RNF138: variants seen among roughly 807,000 people sequenced by gnomAD.
RNF138 encodes the protein ring finger protein 138.
Under a neutral mutation model 31.0 loss-of-function variants are expected in RNF138, and 12 were observed. That is an observed-to-expected ratio of 0.39 (90% CI 0.25 to 0.63). The LOEUF is 0.63. RNF138 is among the 20% of genes least tolerant of loss of function. The pLI is 0.52. For synonymous variants in RNF138, 105 were observed against 99.5 expected (o/e 1.06, Z -0.33); for missense variants, 192 against 300.1 (o/e 0.64, Z 2.66).
chr18:32,104,251 G>C (rs1161978648), intron 2 of RNF138, among the ~76,000 whole-genome samples: 1 of 151,712 alleles, frequency 6.6e-6, no homozygotes, highest in African/African-American at 2.4e-5. Flanking sequence ...GAGGTCAAAT[G>C]ATCCCCCCAC....
At chr18:32,093,892 T>C (rs140884859) in intron 2 of RNF138, among the ~76,000 whole-genome samples, 1 of 152,326 alleles carries the variant, frequency 6.6e-6, no homozygotes, top group African/African-American at 2.4e-5. Flanking sequence ...ATTCCCAGGC[T>C]CCATTTCAAA....
At chr18:32,119,172 T>C (rs1036646138) in intron 4 of RNF138, among the ~76,000 whole-genome samples, 6 of 152,148 alleles carry the variant, frequency 3.9e-5, no homozygotes, top group African/African-American at 1.2e-4. Flanking sequence ...ATGCCACTTC[T>C]GTTCTACACA....
At chr18:32,116,612 C>T (rs1318393824) in intron 4 of RNF138, among the ~76,000 whole-genome samples, 1 of 150,802 alleles carries the variant, frequency 6.6e-6, no homozygotes. Flanking sequence ...AGTGCAATGG[C>T]GTGAACATGG....
chr18:32,127,487 A>T (rs1325570291), intron 7 of RNF138, among the ~76,000 whole-genome samples: 1 of 152,216 alleles, frequency 6.6e-6, no homozygotes, highest in African/African-American at 2.4e-5. Context: ...TTAGGTAAGC[A>T]GAGTGACATG....
intron 2 of RNF138, among the ~76,000 whole-genome samples, chr18:32,104,013 CTTTT>C (rs745696010): frequency 1.5e-5 from 2 of 130,812 alleles, no homozygotes; most frequent in African/African-American, 2.9e-5. Context: ...GGCTAAAAAA[CTTTT>C]TTTTTTTTTT....
chr18:32,118,357 A>T (rs1314974183), intron 4 of RNF138, among the ~76,000 whole-genome samples: 1 of 151,552 alleles, frequency 6.6e-6, no homozygotes, highest in Non-Finnish European at 1.5e-5. Flanking sequence ...AACATGGTGA[A>T]ACCCCATCTC....
chr18:32,113,792 T>C lies in RNF138; in HGVS notation c.324T>C (p.Tyr108=). The change falls in exon 4 of 8, where the codon TAT becomes TAC. Residue 108 remains tyrosine (Y), a synonymous_variant. Coordinates refer to ENST00000261593, the MANE Select transcript of RNF138 (RefSeq NM_016271.5). Reference sequence around the variant, plus strand: ...ATCATTACAAATCTTGTAAGAAGTATCAGGATGAATATGGTGTTTCTTCTA... The same window carrying C: ...ATCATTACAAATCTTGTAAGAAGTACCAGGATGAATATGGTGTTTCTTCTA... The part of the protein sequence containing the change: ...MRHHYKSCKK[Y]QDEYGVSSII... The C allele has an allele frequency of 6.4e-7, 1 of 1,555,190 alleles. No individual in the cohort carries two copies. Among genetic ancestry groups the C allele is most frequent in the Non-Finnish European group, 8.7e-7 (1 of 1,152,644 alleles).
At chr18:32,092,636 C>G (rs1479636112) in intron 1 of RNF138, 64 bp from the exon 2 acceptor site, 1 of 655,436 alleles carries the variant, frequency 1.5e-6, no homozygotes, top group Non-Finnish European at 2.8e-6. Context: ...CCCAGGGCCC[C>G]GCCCCCTTCC....
rs763901615 is a variant in RNF138 at position 32,130,221 on chromosome 18, A to G, written c.*1034A>G. The G allele has an allele frequency of 6.6e-6, 1 of 152,044 alleles. No individual in the cohort carries two copies. Among genetic ancestry groups the G allele is most frequent in the Admixed American group, 6.6e-5 (1 of 15,230 alleles). 9.4% of individuals were successfully genotyped at this position (152,044 alleles called of 1,614,324 possible). On this transcript the variant is annotated 3_prime_UTR_variant, in exon 8 of 8. Coordinates refer to ENST00000261593, the MANE Select transcript of RNF138 (RefSeq NM_016271.5). ...TTATCTGATTTGTTTAAAATTTTGT[A>G]TATCACCAAATTTTTAAAAAGTGAT...
At chr18:32,114,903 T>TAC (rs2040190416) in intron 4 of RNF138, among the ~76,000 whole-genome samples, 1 of 152,208 alleles carries the variant, frequency 6.6e-6, no homozygotes, top group African/African-American at 2.4e-5. Flanking sequence ...GATTGTCTGG[T>TAC]AAAGATCTGC....
intron 2 of RNF138, among the ~76,000 whole-genome samples, chr18:32,109,762 T>C (rs1339544231): frequency 6.6e-6 from 1 of 152,082 alleles, no homozygotes; most frequent in Non-Finnish European, 1.5e-5. Context: ...GGTGCATGCC[T>C]GTAGTCCCAC....
intron 2 of RNF138, among the ~76,000 whole-genome samples, chr18:32,096,011 CAAG>C (rs1187076669): frequency 1.3e-5 from 2 of 152,116 alleles, no homozygotes; most frequent in South Asian, 2.1e-4. Context: ...ATGCCAGAGT[CAAG>C]GAGGGTACAG....
At chr18:32,098,959 C>T (rs150872687) in intron 2 of RNF138, among the ~76,000 whole-genome samples, 26 of 142,916 alleles carry the variant, frequency 1.8e-4, no homozygotes, top group African/African-American at 6.7e-4. Flanking sequence ...TCTCGATTAT[C>T]GACTCGGAAA....
At position 32,130,386 on chromosome 18, in the gene RNF138, T is replaced by TACCA. The variant is rs2040454033; in HGVS notation, c.*1204_*1207dup. On this transcript the variant is annotated 3_prime_UTR_variant, in exon 8 of 8. Transcript: ENST00000261593. Reference sequence around the variant, plus strand: ...GACCGTGATATAGTGAGAAAGATTCTACCAACCACTGTTTCACTACTTTTT... The same window carrying TACCA: ...GACCGTGATATAGTGAGAAAGATTCTACCAACCAACCACTGTTTCACTACTTTTT... 6.6e-6 allele frequency: 1 copy of TACCA among 152,438 alleles called. No individual in the cohort carries two copies. The highest frequency in any genetic ancestry group is 6.6e-5 in the Admixed American group (1 of 15,264). The allele number at this position is 152,438 out of a possible 1,614,324, so 9.4% of individuals were successfully genotyped here. A position where few individuals can be genotyped will look rare whatever the true frequency, so the allele number is the denominator to read the frequency against.
chr18:32,124,680 G>A (rs190850000), intron 5 of RNF138, 54 bp from the exon 6 acceptor site: 86 of 866,906 alleles, frequency 9.9e-5, no homozygotes, highest in African/African-American at 7.5e-4. Context: ...ATAGGAGAGC[G>A]TTATTTTTGT....
intron 3 of RNF138, among the ~76,000 whole-genome samples, chr18:32,112,327 G>A (rs1448887670): frequency 6.6e-6 from 1 of 152,108 alleles, no homozygotes; most frequent in Non-Finnish European, 1.5e-5. Flanking sequence ...TGGGCACATG[G>A]ATTTATGTAG....
intron 2 of RNF138, among the ~76,000 whole-genome samples, chr18:32,110,463 AT>A (rs2040108320): frequency 3.3e-5 from 5 of 151,982 alleles, no homozygotes; most frequent in Non-Finnish European, 5.9e-5. Flanking sequence ...AGATACTTTT[AT>A]TATTTCGTGA....
chr18:32,114,519 C>G (rs925281920), intron 4 of RNF138, among the ~76,000 whole-genome samples: 3 of 152,158 alleles, frequency 2.0e-5, no homozygotes, highest in Non-Finnish European at 2.9e-5. Flanking sequence ...TTCAGGATCT[C>G]TATGTGAGCT....
At chr18:32,101,214 CTT>C (rs781488612) in intron 2 of RNF138, among the ~76,000 whole-genome samples, 2 of 137,732 alleles carry the variant, frequency 1.5e-5, no homozygotes, top group Non-Finnish European at 3.2e-5. Flanking sequence ...TTATAGGTTT[CTT>C]TTTTTTTTTT....
Sources: gnomAD v4.1 joint callset for allele counts (sites outside exome capture counted in the v4.1 genomes callset) on GRCh38, gnomAD v4.1.1 for gene constraint, MANE v1.5 for transcripts, NCBI Gene and HGNC (gene_info 2026-07-23, HGNC 2026-07-21) for gene names.